Variants in VPS13B observed in about 807,000 individuals in gnomAD.
The protein encoded by VPS13B is vacuolar protein sorting 13 homolog B, also known as intermembrane lipid transfer protein VPS13B.
Under a neutral mutation model 426.4 loss-of-function variants are expected in VPS13B, and 285 were observed. The observed-to-expected ratio is 0.67, with a 90% CI of 0.61 to 0.74. The LOEUF is 0.74. Among genes scored for constraint, VPS13B ranks in the 30% least tolerant of loss-of-function variants. VPS13B has a pLI of 0.00. For synonymous variants in VPS13B, 1,676 were observed against 1,676.4 expected, an observed-to-expected ratio of 1.00 and a Z score of 0.01; for missense variants, 4,537 against 4,782.6, an observed-to-expected ratio of 0.95 and a Z score of 1.51.
At chr8:99,432,249 A>G (rs867692066) in intron 22 of VPS13B, among the ~76,000 whole-genome samples, 6 of 152,276 alleles carry the variant, frequency 3.9e-5, no homozygotes, top group Middle Eastern at 3.4e-3. Flanking sequence ...TAGTTTTTGC[A>G]TAGGATTTTT....
intron 55 of VPS13B, among the ~76,000 whole-genome samples, chr8:99,850,359 GT>G (rs1848070274): frequency 6.9e-6 from 1 of 145,662 alleles, no homozygotes; most frequent in African/African-American, 2.7e-5. Flanking sequence ...ACATACATAA[GT>G]ACGCATGTAT....
chr8:99,725,179 T>C (rs995016035), intron 39 of VPS13B, among the ~76,000 whole-genome samples: 1 of 152,224 alleles, frequency 6.6e-6, no homozygotes, highest in Non-Finnish European at 1.5e-5. Flanking sequence ...TTCACTGTAT[T>C]CCTCACACTT....
chr8:99,796,132 A>G (rs965236807), intron 43 of VPS13B, among the ~76,000 whole-genome samples: 4 of 152,192 alleles, frequency 2.6e-5, no homozygotes, highest in African/African-American at 9.6e-5. Flanking sequence ...TAAAATCCAA[A>G]AAGGATATTT....
intron 42 of VPS13B, 44 bp from the exon 43 acceptor site, chr8:99,784,270 CA>C: frequency 6.2e-7 from 1 of 1,612,898 alleles, no homozygotes; most frequent in Non-Finnish European, 8.5e-7. Flanking sequence ...AAACATCTTA[CA>C]ATTAATCCGA....
chr8:99,616,483 A>G (rs1028830269), intron 33 of VPS13B, among the ~76,000 whole-genome samples: 6 of 152,234 alleles, frequency 3.9e-5, no homozygotes, highest in Admixed American at 3.9e-4. Context: ...TAGGCATTTC[A>G]CCAGCAGAAA....
chr8:99,388,123 A>G (rs1309155763), intron 20 of VPS13B, among the ~76,000 whole-genome samples: 3 of 152,142 alleles, frequency 2.0e-5, no homozygotes, highest in South Asian at 2.1e-4. Context: ...CAATTTCCCA[A>G]TGATGTATGC....
chr8:99,170,246 GC>G, intron 16 of VPS13B, 83 bp downstream of exon 16: 1 of 1,505,676 alleles, frequency 6.6e-7, no homozygotes, highest in Non-Finnish European at 9.1e-7. Flanking sequence ...TCTGTCTTAT[GC>G]CCATGCTAGT....
At chr8:99,077,843 C>T (rs991360650) in intron 3 of VPS13B, among the ~76,000 whole-genome samples, 1 of 151,882 alleles carries the variant, frequency 6.6e-6, no homozygotes, top group African/African-American at 2.4e-5. Context: ...ATCTCATTTC[C>T]TTCTGGATTT....
intron 34 of VPS13B, among the ~76,000 whole-genome samples, chr8:99,643,992 A>T (rs1287380272): frequency 6.6e-6 from 1 of 152,182 alleles, no homozygotes; most frequent in Non-Finnish European, 1.5e-5. Flanking sequence ...GGATTAGGAG[A>T]TGAATTCTTA....
chr8:99,859,607 TGA>T, intron 57 of VPS13B, 127 bp downstream of exon 57: 1 of 1,275,000 alleles, frequency 7.8e-7, no homozygotes, highest in Non-Finnish European at 1.1e-6. Flanking sequence ...TAGCTTGCAG[TGA>T]GAGTTTGGGT....
At chr8:99,465,569 C>T (rs1467318313) in intron 23 of VPS13B, among the ~76,000 whole-genome samples, 1 of 151,888 alleles carries the variant, frequency 6.6e-6, no homozygotes, top group Non-Finnish European at 1.5e-5. Flanking sequence ...CCAGCATAAC[C>T]ACCATTTAGC....
intron 44 of VPS13B, among the ~76,000 whole-genome samples, chr8:99,815,388 C>G (rs2130804386): frequency 6.6e-6 from 1 of 152,172 alleles, no homozygotes; most frequent in Admixed American, 6.5e-5. Context: ...GACCAATGCC[C>G]TAGCTCAAGC....
Position 99,661,454 on chromosome 8 carries a change from TA to T in VPS13B, c.6010del (p.Ile2004Ter). The T allele has an allele frequency of 6.2e-7, 1 of 1,613,576 alleles. No homozygotes were observed. On this transcript the variant is annotated frameshift_variant, in exon 35 of 62. Coordinates refer to ENST00000357162, the MANE Select transcript of VPS13B (RefSeq NM_152564.5). LOFTEE classifies it high-confidence loss of function. ...GCAAAAGTGGTATTCCACCTTCCTT[TA>T]TAACACTACAGATTAAAGACTTTCT... The part of the protein sequence containing the change: ...DSKSGIPPSF[I>X]TLQIKDFLNG...
intron 11 of VPS13B, among the ~76,000 whole-genome samples, chr8:99,136,380 G>T (rs893460203): frequency 6.6e-6 from 1 of 152,028 alleles, no homozygotes; most frequent in African/African-American, 2.4e-5. Flanking sequence ...AGTGATAAAG[G>T]TCAGGAGTGT....
At chr8:99,660,449 G>A (rs1307885896) in intron 34 of VPS13B, among the ~76,000 whole-genome samples, 1 of 151,990 alleles carries the variant, frequency 6.6e-6, no homozygotes, top group Non-Finnish European at 1.5e-5. Flanking sequence ...GGACTCTATG[G>A]CAAGAACATC....
chr8:99,279,175 G>T (rs1819043606), intron 19 of VPS13B, among the ~76,000 whole-genome samples: 1 of 152,172 alleles, frequency 6.6e-6, no homozygotes, highest in Non-Finnish European at 1.5e-5. Context: ...GGAGGCAGAG[G>T]TTGCGGTGAG....
intron 16 of VPS13B, among the ~76,000 whole-genome samples, chr8:99,179,849 G>A (rs1361338250): frequency 1.3e-5 from 2 of 151,642 alleles, no homozygotes; most frequent in African/African-American, 4.8e-5. Context: ...TTGGTTTTCT[G>A]ATTTATGAGG....
chr8:99,719,581 G>A (rs1833056489), intron 37 of VPS13B, among the ~76,000 whole-genome samples: 1 of 152,064 alleles, frequency 6.6e-6, no homozygotes, highest in South Asian at 2.1e-4. Flanking sequence ...AGAATTGATA[G>A]TTGTATTGCC....
chr8:99,789,501 C>G (rs1812440691), intron 43 of VPS13B, among the ~76,000 whole-genome samples: 1 of 152,036 alleles, frequency 6.6e-6, no homozygotes, highest in African/African-American at 2.4e-5. Flanking sequence ...TTCTAGAAAG[C>G]AATTGGGTAA....
Sources: allele counts gnomAD v4.1 joint callset (sites outside exome capture counted in the v4.1 genomes callset), GRCh38; gene constraint gnomAD v4.1.1; transcripts MANE v1.5; gene names NCBI Gene and HGNC (gene_info 2026-07-23, HGNC 2026-07-21).